Variants in TMCC3 observed in about 807,000 individuals in gnomAD.
TMCC3 encodes the protein transmembrane and coiled-coil domain family 3, also known as transmembrane and coiled-coil domain protein 3.
In TMCC3, 28 loss-of-function variants were observed where a neutral mutation model predicts 40.2. The ratio of observed to expected loss-of-function variants is 0.70; its 90% confidence interval spans 0.52 to 0.95. The LOEUF is 0.95. Among genes scored for constraint, TMCC3 ranks in the 40% least tolerant of loss-of-function variants. TMCC3 has a pLI of 0.00. For synonymous variants in TMCC3, 255 were observed against 248.5 expected (o/e 1.03, Z -0.25); for missense variants, 554 against 615.2 (o/e 0.90, Z 1.05).
At chr12:94,629,541 G>A (rs2068921350) in intron 1 of TMCC3, among the ~76,000 whole-genome samples, 1 of 152,232 alleles carries the variant, frequency 6.6e-6, no homozygotes, top group African/African-American at 2.4e-5. Context: ...AAGGGTGATG[G>A]AGGGCACTCT....
chr12:94,627,365 C>T (rs1367516727), intron 1 of TMCC3, among the ~76,000 whole-genome samples: 2 of 152,174 alleles, frequency 1.3e-5, no homozygotes, highest in African/African-American at 4.8e-5. Context: ...CGCTTCTCAT[C>T]ACCTCCACTA....
At chr12:94,635,505 T>C (rs6538524) in intron 1 of TMCC3, among the ~76,000 whole-genome samples, 66,443 of 151,972 alleles carry the variant, frequency 0.44, 16,012 homozygotes, top group African/African-American at 0.65. Context: ...TTAAGTCGAA[T>C]TTGATGAGAG....
chr12:94,578,621 G>T (rs1050446876), intron 2 of TMCC3, 92 bp from the exon 3 acceptor site: 1 of 1,419,244 alleles, frequency 7.0e-7, no homozygotes, highest in Admixed American at 2.4e-5. Context: ...GTACCTTTTG[G>T]CTTGCTCTCA....
rs2068500719 is a variant in TMCC3 at position 94,567,317 on chromosome 12, C to A, written c.*4118G>T. 6.6e-6 allele frequency: 1 copy of A among 152,228 alleles called. No individual in the cohort carries two copies. Among genetic ancestry groups the A allele is most frequent in the Admixed American group, 6.5e-5 (1 of 15,282 alleles). 9.4% of individuals were successfully genotyped at this position (152,228 alleles called of 1,614,324 possible). ...AATGGAAATTCTGCAACAAGCCTCACAATAAACATTTCCAGTTTCTACTTT... is the reference window on the plus strand; with the variant it reads ...AATGGAAATTCTGCAACAAGCCTCAAAATAAACATTTCCAGTTTCTACTTT... On this transcript the variant is annotated 3_prime_UTR_variant, in exon 4 of 4. Coordinates refer to ENST00000261226, the MANE Select transcript of TMCC3 (RefSeq NM_020698.4).
chr12:94,590,354 G>T (rs2068666436), intron 1 of TMCC3, among the ~76,000 whole-genome samples: 1 of 133,382 alleles, frequency 7.5e-6, no homozygotes, highest in African/African-American at 2.9e-5. Flanking sequence ...GATCCACTTT[G>T]TTCCATATTC....
In TMCC3 at chr12:94,578,533, T is replaced by C; in HGVS notation, c.996-4A>G. The C allele has an allele frequency of 6.2e-7, 1 of 1,612,166 alleles. No individual in the cohort carries two copies. Among genetic ancestry groups the C allele is most frequent in the Non-Finnish European group, 8.5e-7 (1 of 1,179,002 alleles). On this transcript the variant is annotated splice_polypyrimidine_tract_variant and splice_region_variant and intron_variant, in intron 2 of 3. Transcript: ENST00000261226. The stretch of plus-strand genomic sequence containing the variant: ...CTGGTCCTCCAGTCGCTCATACCTT[T>C]AAAAGAGAGGAGCCGATTCCCAGTG...
At chr12:94,624,303 C>T (rs1455993717) in intron 1 of TMCC3, among the ~76,000 whole-genome samples, 3 of 152,178 alleles carry the variant, frequency 2.0e-5, no homozygotes, top group African/African-American at 7.2e-5. Context: ...GAAATAAAAA[C>T]ATATACCCCC....
intron 1 of TMCC3, chr12:94,644,380 G>A (rs990713930): frequency 1.0e-6 from 1 of 985,284 alleles, no homozygotes; most frequent in Admixed American, 6.2e-5. Context: ...AGTAGGACTA[G>A]GTTGATTTCT....
chr12:94,602,304 C>G (rs12317648), intron 1 of TMCC3, among the ~76,000 whole-genome samples: 11 of 152,328 alleles, frequency 7.2e-5, no homozygotes, highest in African/African-American at 2.6e-4. Flanking sequence ...ATCACAGACT[C>G]AGAACTTACC....
chr12:94,602,055 G>A (rs1010655461), intron 1 of TMCC3, among the ~76,000 whole-genome samples: 3 of 152,172 alleles, frequency 2.0e-5, no homozygotes, highest in East Asian at 1.9e-4. Flanking sequence ...TTGAAAAACA[G>A]TGTGTTATAA....
chr12:94,626,991 G>A (rs145860452), intron 1 of TMCC3, among the ~76,000 whole-genome samples: 1 of 152,042 alleles, frequency 6.6e-6, no homozygotes, highest in East Asian at 1.9e-4. Flanking sequence ...CTCCTGAGTA[G>A]CTGGGACTAA....
chr12:94,594,188 T>C (rs1190713831), intron 1 of TMCC3, among the ~76,000 whole-genome samples: 1 of 114,332 alleles, frequency 8.7e-6, no homozygotes, highest in Non-Finnish European at 1.8e-5. Flanking sequence ...AACCATGCCT[T>C]TTAAATTTAA....
chr12:94,642,910 G>A (rs142798652), intron 1 of TMCC3, among the ~76,000 whole-genome samples: 9 of 152,188 alleles, frequency 5.9e-5, no homozygotes, highest in South Asian at 2.1e-4. Context: ...AAAGTCAACC[G>A]GGCCGGGCGC....
At chr12:94,615,365 T>C (rs1228727231) in intron 1 of TMCC3, among the ~76,000 whole-genome samples, 1 of 152,162 alleles carries the variant, frequency 6.6e-6, no homozygotes, top group Non-Finnish European at 1.5e-5. Context: ...ATTTCCCCCA[T>C]GGCTGCTTCC....
At chr12:94,644,477 G>C in intron 1 of TMCC3, 3 of 979,312 alleles carry the variant, frequency 3.1e-6, no homozygotes, top group Non-Finnish European at 3.6e-6. Context: ...CTGTCTTGGT[G>C]ATCTCTACAG....
In TMCC3 at chr12:94,570,317, G is replaced by A. The variant is rs907393523; in HGVS notation, c.*1118C>T. The A allele has an allele frequency of 2.0e-5, 3 of 152,160 alleles. No homozygotes were observed. The highest frequency in any genetic ancestry group is 4.4e-5 in the Non-Finnish European group (3 of 68,036). 9.4% of individuals were successfully genotyped at this position (152,160 alleles called of 1,614,324 possible). A position where few individuals can be genotyped will look rare whatever the true frequency, so the allele number is the denominator to read the frequency against. Reference sequence around the variant, plus strand: ...ACTTGAACTTTAGAGGCTATGGTTCGGTTGTCCTTCAAGGAAAAAACTGCA... The same window carrying A: ...ACTTGAACTTTAGAGGCTATGGTTCAGTTGTCCTTCAAGGAAAAAACTGCA... On this transcript the variant is annotated 3_prime_UTR_variant, in exon 4 of 4. Transcript: ENST00000261226.
chr12:94,646,397 T>C (rs552845208), intron 1 of TMCC3, among the ~76,000 whole-genome samples: 2 of 151,576 alleles, frequency 1.3e-5, no homozygotes, highest in Non-Finnish European at 2.9e-5. Flanking sequence ...TTTAAAAAAA[T>C]TTTTTTAAAT....
intron 1 of TMCC3, among the ~76,000 whole-genome samples, chr12:94,602,840 C>G (rs1171768660): frequency 6.6e-6 from 1 of 152,108 alleles, no homozygotes; most frequent in Non-Finnish European, 1.5e-5. Flanking sequence ...ACAGTGACCT[C>G]AAGAAGACAA....
chr12:94,583,335 T>A (rs2068618825), intron 1 of TMCC3, among the ~76,000 whole-genome samples: 1 of 151,844 alleles, frequency 6.6e-6, no homozygotes, highest in Non-Finnish European at 1.5e-5. Context: ...TGAAACCCCA[T>A]CTCTACTAAA....
Sources: allele counts gnomAD v4.1 joint callset (sites outside exome capture counted in the v4.1 genomes callset), GRCh38; gene constraint gnomAD v4.1.1; transcripts MANE v1.5; gene names NCBI Gene and HGNC (gene_info 2026-07-23, HGNC 2026-07-21).